The following STIM1 variants were observed in gnomAD, a reference collection of about 807,000 sequenced individuals.
The protein encoded by STIM1 is stromal interaction molecule 1.
A neutral mutation model predicts 74.7 loss-of-function variants in STIM1; 25 were observed. The observed-to-expected ratio is 0.33, with a 90% CI of 0.24 to 0.47. STIM1 has a LOEUF of 0.47. Among genes scored for constraint, STIM1 ranks in the 20% least tolerant of loss-of-function variants. The pLI, the probability that STIM1 is intolerant of heterozygous loss-of-function variation, is 1.00. For missense variants in STIM1, 728 were observed against 920.8 expected, an observed-to-expected ratio of 0.79 and a Z score of 2.71; for synonymous variants, 328 against 348.8, an observed-to-expected ratio of 0.94 and a Z score of 0.66.
At chr11:3,941,441 A>G (rs150598358) in intron 1 of STIM1, among the ~76,000 whole-genome samples, 83 of 152,216 alleles carry the variant, frequency 5.5e-4, no homozygotes, top group African/African-American at 1.8e-3. Context: ...AGTACAAAAC[A>G]TTTGTTATAT....
intron 1 of STIM1, among the ~76,000 whole-genome samples, chr11:3,895,673 TCCTTCCTTCCTTC>T (rs1565104835): frequency 2.1e-5 from 1 of 47,582 alleles, no homozygotes; most frequent in Admixed American, 2.3e-4. Flanking sequence ...TTTCTTTCTT[TCCTTCCTTCCTTC>T]TTTCTTTCTT....
intron 3 of STIM1, among the ~76,000 whole-genome samples, chr11:4,028,079 A>G (rs1590659429): frequency 6.6e-6 from 1 of 152,064 alleles, no homozygotes; most frequent in East Asian, 1.9e-4. Flanking sequence ...CTATCTGCCA[A>G]ACAAAGTATA....
chr11:3,855,587 C>G (rs1285388110), upstream of STIM1: 1 of 113,818 alleles, frequency 8.8e-6, no homozygotes, highest in Non-Finnish European at 1.8e-5. Context: ...TCGCTGGGGA[C>G]CGGGCGGCGC....
At chr11:3,955,448 G>A (rs559865431) in intron 1 of STIM1, among the ~76,000 whole-genome samples, 6 of 152,254 alleles carry the variant, frequency 3.9e-5, no homozygotes, top group Non-Finnish European at 7.3e-5. Flanking sequence ...GATGATACAA[G>A]TCAGAATGTG....
chr11:3,913,331 A>G (rs2092595056), intron 1 of STIM1, among the ~76,000 whole-genome samples: 1 of 151,466 alleles, frequency 6.6e-6, no homozygotes, highest in Admixed American at 6.6e-5. Context: ...GGGACCACAG[A>G]TGGGCACTAC....
At chr11:3,969,020 T>C (rs2093366506) in intron 2 of STIM1, among the ~76,000 whole-genome samples, 1 of 152,210 alleles carries the variant, frequency 6.6e-6, no homozygotes, top group Non-Finnish European at 1.5e-5. Context: ...CTGTATTGTT[T>C]CTCCTATTCT....
chr11:3,966,468 G>A (rs1229865360), intron 1 of STIM1, among the ~76,000 whole-genome samples: 15 of 152,230 alleles, frequency 9.9e-5, no homozygotes, highest in African/African-American at 3.4e-4. Context: ...CTTCTAAAAG[G>A]CGTCACAACC....
At chr11:3,959,748 C>T (rs1350348842) in intron 1 of STIM1, among the ~76,000 whole-genome samples, 1 of 152,036 alleles carries the variant, frequency 6.6e-6, no homozygotes, top group Non-Finnish European at 1.5e-5. Context: ...AGTCTTTAGA[C>T]CATGGCGGGT....
intron 12 of STIM1, chr11:4,088,696 C>A (rs1322521654): frequency 5.2e-6 from 8 of 1,535,576 alleles, no homozygotes; most frequent in Non-Finnish European, 7.0e-6. Flanking sequence ...TTGCACCACG[C>A]ACCAGAGGAT....
intron 3 of STIM1, among the ~76,000 whole-genome samples, chr11:4,045,616 A>G (rs930847986): frequency 1.3e-5 from 2 of 151,522 alleles, no homozygotes; most frequent in Non-Finnish European, 2.9e-5. Context: ...CACCTGGCTA[A>G]TTTTTTAATA....
intron 3 of STIM1, among the ~76,000 whole-genome samples, chr11:4,039,318 G>A (rs1490260712): frequency 1.3e-5 from 2 of 151,980 alleles, no homozygotes; most frequent in African/African-American, 4.8e-5. Context: ...GCTGGGCGTG[G>A]TGGCTCATGT....
chr11:3,893,454 C>T (rs1040838164), intron 1 of STIM1, among the ~76,000 whole-genome samples: 1 of 152,170 alleles, frequency 6.6e-6, no homozygotes. Context: ...CTTTGACTGG[C>T]AGTTGATGGC....
intron 2 of STIM1, among the ~76,000 whole-genome samples, chr11:3,980,677 C>A (rs867377739): frequency 7.4e-5 from 11 of 148,320 alleles, no homozygotes; most frequent in Admixed American, 2.0e-4. Context: ...ACAACAACAA[C>A]AACAAAAAAA....
intron 2 of STIM1, among the ~76,000 whole-genome samples, chr11:3,983,486 C>T (rs1293007037): frequency 1.3e-5 from 2 of 152,128 alleles, no homozygotes; most frequent in South Asian, 2.1e-4. Flanking sequence ...AGTACTGCTT[C>T]TGGGGAAGTT....
intron 1 of STIM1, among the ~76,000 whole-genome samples, chr11:3,926,819 C>T (rs1369704043): frequency 6.6e-6 from 1 of 152,222 alleles, no homozygotes; most frequent in South Asian, 2.1e-4. Flanking sequence ...ACCAGAACCA[C>T]TCCAGTGAGG....
upstream of STIM1, chr11:3,854,796 G>A (rs1191529385): frequency 6.6e-6 from 1 of 152,492 alleles, no homozygotes; most frequent in African/African-American, 2.4e-5. Context: ...GAGGGGAAGG[G>A]AGGCGGGGTC....
At chr11:3,932,110 C>T (rs1335872106) in intron 1 of STIM1, among the ~76,000 whole-genome samples, 5 of 152,126 alleles carry the variant, frequency 3.3e-5, no homozygotes, top group Non-Finnish European at 5.9e-5. Flanking sequence ...TTGTTCAGCC[C>T]GCCACTACTG....
intron 6 of STIM1, among the ~76,000 whole-genome samples, chr11:4,073,237 G>A (rs1021477015): frequency 1.3e-5 from 2 of 151,114 alleles, no homozygotes; most frequent in Non-Finnish European, 2.9e-5. Flanking sequence ...CTGGTCCCCT[G>A]GTAACCTGGT....
chr11:3,858,512 ATTG>A (rs1370527470), intron 1 of STIM1, among the ~76,000 whole-genome samples: 1 of 152,120 alleles, frequency 6.6e-6, no homozygotes. Context: ...TTCTAGCACT[ATTG>A]TTGTGGTAGG....
Sources: gnomAD v4.1 joint callset for allele counts (sites outside exome capture counted in the v4.1 genomes callset) on GRCh38, gnomAD v4.1.1 for gene constraint, MANE v1.5 for transcripts, NCBI Gene and HGNC (gene_info 2026-07-23, HGNC 2026-07-21) for gene names.